The following OSBPL3 variants were observed in gnomAD, a reference collection of about 807,000 sequenced individuals.
OSBPL3 encodes oxysterol binding protein like 3, also known as oxysterol-binding protein-related protein 3.
OSBPL3 carries 65 observed loss-of-function variants against 120.1 expected under a neutral mutation model. The ratio of observed to expected loss-of-function variants is 0.54; its 90% CI spans 0.44 to 0.67. OSBPL3 has a LOEUF of 0.67. OSBPL3 is among the 30% of genes least tolerant of loss of function. OSBPL3 has a pLI of 0.00. For synonymous variants in OSBPL3, 416 were observed against 402.6 expected, an observed-to-expected ratio of 1.03 and a Z score of -0.40; for missense variants, 1,004 against 1,082.1, an observed-to-expected ratio of 0.93 and a Z score of 1.01.
At chr7:24,814,309 C>T (rs1038592121) in intron 19 of OSBPL3, among the ~76,000 whole-genome samples, 1 of 151,902 alleles carries the variant, frequency 6.6e-6, no homozygotes, top group African/African-American at 2.4e-5. Context: ...GGTGTATCTG[C>T]AAGTGTGCAA....
rs767025273 is a variant in OSBPL3 at position 24,955,139 on chromosome 7, A to G, written c.-150+24747T>C. 2.6e-5 allele frequency among the ~76,000 whole-genome samples: 4 copies of G among 152,210 alleles called. No individual in the cohort carries two copies. The highest frequency in any genetic ancestry group is 5.9e-5 in the Non-Finnish European group (4 of 68,034). The stretch of plus-strand genomic sequence containing the variant: ...TTTGTTCACTACTATACATATTACC[A>G]ACATTTGAACAGTGTCTGGCACATA... On this transcript the variant is annotated intron_variant, in intron 1 of 22. Coordinates refer to ENST00000313367, the MANE Select transcript of OSBPL3 (RefSeq NM_015550.4). This position sits in a 1 kb window ranked among gnomAD's most constrained non-coding sequence, Gnocchi z 4.3.
chr7:24,975,430 G>A (rs1238175384), intron 1 of OSBPL3, among the ~76,000 whole-genome samples: 1 of 152,308 alleles, frequency 6.6e-6, no homozygotes, highest in Non-Finnish European at 1.5e-5. Context: ...ATAAAATACT[G>A]TGGATCAAAA....
At chr7:24,829,046 T>C (rs574284975) in intron 16 of OSBPL3, among the ~76,000 whole-genome samples, 2 of 152,344 alleles carry the variant, frequency 1.3e-5, no homozygotes, top group South Asian at 4.1e-4. Flanking sequence ...GATCTTGAAT[T>C]TGGCCCTGTC....
At chr7:24,925,962 T>TA (rs1455954472) in intron 1 of OSBPL3, among the ~76,000 whole-genome samples, 5 of 152,240 alleles carry the variant, frequency 3.3e-5, no homozygotes, top group Non-Finnish European at 7.3e-5. Context: ...CTTGTTTCAT[T>TA]AAAAGGATCC....
At position 24,959,590 on chromosome 7, in the gene OSBPL3, T is replaced by C. The variant is rs376487488; in HGVS notation, c.-150+20296A>G. Among the ~76,000 whole-genome samples, 91 of 152,328 alleles carry C rather than the reference T, an allele frequency of 6.0e-4. 4 individuals are homozygous for C. The highest frequency in any genetic ancestry group is 1.7e-3 in the South Asian group (8 of 4,832). On this transcript the variant is annotated intron_variant, in intron 1 of 22. Coordinates refer to ENST00000313367, the MANE Select transcript of OSBPL3 (RefSeq NM_015550.4). The surrounding 1 kb of genome is among the most constrained non-coding windows in gnomAD (Gnocchi z 4.3). ...AGAGCTGGTAATCACCTGTTTCTTG[T>C]TCTGGACGCTGGTTACACAGGTTAT...
intron 2 of OSBPL3, among the ~76,000 whole-genome samples, chr7:24,887,193 C>G (rs770149644): frequency 6.6e-6 from 1 of 152,190 alleles, no homozygotes; most frequent in Non-Finnish European, 1.5e-5. Context: ...TGAGGAAGAA[C>G]ACTGAAGATC....
chr7:24,814,106 A>G (rs1172768072), intron 19 of OSBPL3, among the ~76,000 whole-genome samples: 1 of 152,124 alleles, frequency 6.6e-6, no homozygotes, highest in Non-Finnish European at 1.5e-5. Flanking sequence ...AAGAACTCTG[A>G]AGAAAATGGG....
intron 20 of OSBPL3, among the ~76,000 whole-genome samples, chr7:24,809,158 C>T (rs1010233162): frequency 7.2e-5 from 11 of 152,106 alleles, no homozygotes; most frequent in African/African-American, 2.7e-4. Flanking sequence ...TGGTTTTTTA[C>T]CAGCCTGAAG....
upstream of OSBPL3, among the ~76,000 whole-genome samples, chr7:24,980,466 G>A (rs1010860085): frequency 5.9e-5 from 9 of 152,094 alleles, no homozygotes; most frequent in African/African-American, 1.7e-4. Flanking sequence ...GGGGCTCCCG[G>A]TGGCCCAGCT....
chr7:24,817,887 G>C lies in OSBPL3; in HGVS notation c.1949-1199C>G, dbSNP rs1794661476. Among the ~76,000 whole-genome samples the C allele has an allele frequency of 2.0e-5, 3 of 152,200 alleles. No homozygotes were observed. The highest frequency in any genetic ancestry group is 7.2e-5 in the African/African-American group (3 of 41,450). On this transcript the variant is annotated intron_variant, in intron 17 of 22. Transcript: ENST00000313367. This position sits in a 1 kb window ranked among gnomAD's most constrained non-coding sequence, Gnocchi z 4.0. ...ATGTCAGATTTCTCTAACTTGCAAT[G>C]AATGGTGGTACCAACAGAGAAGCCA...
At chr7:24,957,149 T>G (rs1195249810) in intron 1 of OSBPL3, among the ~76,000 whole-genome samples, 1 of 151,620 alleles carries the variant, frequency 6.6e-6, no homozygotes, top group Non-Finnish European at 1.5e-5. Flanking sequence ...AGGAATTTAA[T>G]ACTCTAAAAG....
intron 14 of OSBPL3, among the ~76,000 whole-genome samples, chr7:24,837,928 G>A (rs1212064611): frequency 6.6e-6 from 1 of 152,174 alleles, no homozygotes; most frequent in African/African-American, 2.4e-5. Flanking sequence ...ACACTGTGGG[G>A]AAGAAATTAA....
Position 24,852,690 on chromosome 7 carries a change from T to C in OSBPL3, c.1028-56A>G, listed in dbSNP as rs543401198. ...TAAGGAGGCATAATTAAAAACAAAA[T>C]ACAGAAAAAAACATATCTCTTATAA... On this transcript the variant is annotated intron_variant, in intron 10 of 22. Transcript: ENST00000313367. This position sits in a 1 kb window ranked among gnomAD's most constrained non-coding sequence, Gnocchi z 4.1. The C allele has an allele frequency of 8.1e-5, 98 of 1,206,922 alleles. No homozygotes were observed. The African/African-American group carries it at 1.4e-3, about 17-fold the overall frequency. The allele number at this position is 1,206,922 out of a possible 1,614,324, so 74.8% of individuals were successfully genotyped here.
rs1167714151 is a variant in OSBPL3 at position 24,898,751 on chromosome 7, C to T, written c.-149-6130G>A. Among the ~76,000 whole-genome samples, 3 of 152,170 alleles carry T rather than the reference C, an allele frequency of 2.0e-5. No homozygotes were observed. The highest frequency in any genetic ancestry group is 4.8e-5 in the African/African-American group (2 of 41,432). ...GTAAACAAAACAACAAGCGCAATAA[C>T]ACCAGTCATTAGAATCATGGAGCCT... On this transcript the variant is annotated intron_variant, in intron 1 of 22. Transcript: ENST00000313367. The surrounding 1 kb of genome is among the most constrained non-coding windows in gnomAD (Gnocchi z 4.3).
Position 24,861,614 on chromosome 7 carries a change from T to G in OSBPL3, c.1026A>C (p.Lys342Asn). 6.3e-7 allele frequency: 1 copy of G among 1,585,042 alleles called. No homozygotes were observed. Among genetic ancestry groups the G allele is most frequent in the Non-Finnish European group, 8.6e-7 (1 of 1,167,562 alleles). Residue 342 changes from lysine to asparagine, a missense_variant and splice_region_variant, in exon 10 of 23, where the codon AAA (lysine) becomes AAC (asparagine). Around this residue, in one of 4 missense-constraint regions of OSBPL3, gnomAD observed 272 missense variants for 248.8 expected, o/e 1.09. Transcript: ENST00000313367. ...MQEDLCHIAHKVYFTLRSAFN... is the reference protein window; with the variant it reads ...MQEDLCHIAHNVYFTLRSAFN... ...TAGGAAGAAAGAAAACTCATTTACC[T>G]TTATGGGCAATATGACACAGATCTT...
chr7:24,889,984 G>C (rs1805106561), intron 2 of OSBPL3, among the ~76,000 whole-genome samples: 1 of 152,142 alleles, frequency 6.6e-6, no homozygotes, highest in Non-Finnish European at 1.5e-5. Flanking sequence ...CTGGGGTCCT[G>C]GGAGGTAGGA....
In OSBPL3 at chr7:24,980,155, TGA is replaced by T. The variant is rs1253754060; in HGVS notation, c.-421_-420del. The stretch of plus-strand genomic sequence containing the variant: ...GGCGCCACCAGCACGCGGCCAGTTC[TGA>T]GTACTTTGCCCAGAACTTCTCGGCG... On this transcript the variant is annotated 5_prime_UTR_variant, in exon 1 of 23. Coordinates refer to ENST00000313367, the MANE Select transcript of OSBPL3 (RefSeq NM_015550.4). The T allele has an allele frequency of 3.6e-6, 2 of 559,634 alleles. No homozygotes were observed. The highest frequency in any genetic ancestry group is 4.5e-6 in the Non-Finnish European group (2 of 440,974). 34.7% of individuals were successfully genotyped at this position (559,634 alleles called of 1,614,324 possible). A position where few individuals can be genotyped will look rare whatever the true frequency, so the allele number is the denominator to read the frequency against.
chr7:24,932,660 A>G lies in OSBPL3; in HGVS notation c.-149-40039T>C, dbSNP rs1459954490. 6.6e-6 allele frequency among the ~76,000 whole-genome samples: 1 copy of G among 152,220 alleles called. No homozygotes were observed. ...CTACCAACCAAAAAACGAGCCTCCCAAGACACCAAATCCAATAGTACTTCG... is the reference window on the plus strand; with the variant it reads ...CTACCAACCAAAAAACGAGCCTCCCGAGACACCAAATCCAATAGTACTTCG... On this transcript the variant is annotated intron_variant, in intron 1 of 22. Coordinates refer to ENST00000313367, the MANE Select transcript of OSBPL3 (RefSeq NM_015550.4). The surrounding 1 kb of genome is among the most constrained non-coding windows in gnomAD (Gnocchi z 5.6).
Position 24,918,374 on chromosome 7 carries a change from ATCCT to A in OSBPL3, c.-149-25757_-149-25754del, listed in dbSNP as rs1809977422. Among the ~76,000 whole-genome samples, 1 of 152,110 alleles carries A rather than the reference ATCCT, an allele frequency of 6.6e-6. No homozygotes were observed. Among genetic ancestry groups the A allele is most frequent in the Admixed American group, 6.6e-5 (1 of 15,260 alleles). On this transcript the variant is annotated intron_variant, in intron 1 of 22. Coordinates refer to ENST00000313367, the MANE Select transcript of OSBPL3 (RefSeq NM_015550.4). The surrounding 1 kb of genome is among the most constrained non-coding windows in gnomAD (Gnocchi z 4.3). ...GTTTAAACTTTACTACTCACACTCA[ATCCT>A]TCCTATTTCAGTCTGGAATTACCCC... is the stretch of plus-strand genomic sequence containing the variant.
Sources: allele counts gnomAD v4.1 joint callset (sites outside exome capture counted in the v4.1 genomes callset), GRCh38; gene constraint gnomAD v4.1.1; regional missense constraint gnomAD v4.1.1; non-coding constraint Gnocchi (gnomAD v3.1); transcripts MANE v1.5; gene names NCBI Gene and HGNC (gene_info 2026-07-23, HGNC 2026-07-21).